The following PALS2 variants were observed in gnomAD, a reference collection of about 807,000 sequenced individuals.
PALS2 encodes protein associated with LIN7 2, MAGUK p55 family member.
Under a neutral mutation model 61.6 loss-of-function variants are expected in PALS2, and 27 were observed. The observed-to-expected ratio is 0.44, with a 90% confidence interval of 0.32 to 0.60. The LOEUF is 0.60. Ranked by LOEUF, PALS2 falls within the 20% of genes least tolerant of loss-of-function variation. The pLI is 0.05. For missense variants in PALS2, 554 were observed against 639.4 expected, an observed-to-expected ratio of 0.87 and a Z score of 1.44; for synonymous variants, 236 against 218.6, an observed-to-expected ratio of 1.08 and a Z score of -0.70.
rs1271981866 is a variant in PALS2, at chr7:24,693,357, C to T, written c.*5743C>T. 12 of 152,252 alleles carry T rather than the reference C, an allele frequency of 7.9e-5. No individual in the cohort carries two copies. The South Asian group carries it at 2.5e-3, about 32-fold the overall frequency. 9.4% of individuals were successfully genotyped at this position (152,252 alleles called of 1,614,324 possible). On this transcript the variant is annotated 3_prime_UTR_variant, in exon 12 of 12. Transcript: ENST00000222644. ...TCATATATGAAATTTGGCTCTCCTC[C>T]TATCAAAGTAGCCTAGGAGCTTGGA...
chr7:24,679,692 C>T (rs2128031761), intron 10 of PALS2, among the ~76,000 whole-genome samples: 1 of 150,756 alleles, frequency 6.6e-6, no homozygotes, highest in East Asian at 2.0e-4. Flanking sequence ...GTCACTCCCC[C>T]TCCTACCTGA....
chr7:24,602,023 CTCCT>C (rs1269612121), intron 1 of PALS2, among the ~76,000 whole-genome samples: 3 of 152,090 alleles, frequency 2.0e-5, no homozygotes, highest in Non-Finnish European at 4.4e-5. Context: ...CATTTTGTCT[CTCCT>C]TTCTTTCCAA....
chr7:24,628,266 C>T (rs1200272260), intron 2 of PALS2, among the ~76,000 whole-genome samples: 1 of 152,158 alleles, frequency 6.6e-6, no homozygotes, highest in African/African-American at 2.4e-5. Context: ...TGATGAAAAT[C>T]ACATGATTAT....
chr7:24,576,607 C>T (rs1017528814), intron 1 of PALS2, among the ~76,000 whole-genome samples: 5 of 152,124 alleles, frequency 3.3e-5, no homozygotes, highest in Admixed American at 6.5e-5. Flanking sequence ...AGATAAGATT[C>T]CTGAATACAT....
At chr7:24,591,720 T>G (rs1268353041) in intron 1 of PALS2, among the ~76,000 whole-genome samples, 1 of 152,150 alleles carries the variant, frequency 6.6e-6, no homozygotes, top group Non-Finnish European at 1.5e-5. Flanking sequence ...AAGCCTTTAG[T>G]CACAGTATGT....
intron 2 of PALS2, among the ~76,000 whole-genome samples, chr7:24,639,280 T>G (rs1360282058): frequency 2.6e-5 from 4 of 152,220 alleles, no homozygotes; most frequent in African/African-American, 4.8e-5. Context: ...AGAGTTCAAG[T>G]CTTGGTGTTA....
At position 24,691,173 on chromosome 7, in the gene PALS2, A is replaced by C. The variant is rs1788447847; in HGVS notation, c.*3559A>C. On this transcript the variant is annotated 3_prime_UTR_variant, in exon 12 of 12. Coordinates refer to ENST00000222644, the MANE Select transcript of PALS2 (RefSeq NM_001303037.2). ...AAATTATTTTGAATTGGCAAACTAA[A>C]GATAACAATTTTGAAAATTGCTCAA... is the stretch of plus-strand genomic sequence containing the variant. 1 of 151,894 alleles carries C rather than the reference A, an allele frequency of 6.6e-6. No individual in the cohort carries two copies. The highest frequency in any genetic ancestry group is 2.1e-4 in the South Asian group (1 of 4,826). The allele number at this position is 151,894 out of a possible 1,614,324, so 9.4% of individuals were successfully genotyped here.
intron 2 of PALS2, chr7:24,624,136 G>C: frequency 7.7e-7 from 1 of 1,299,140 alleles, no homozygotes; most frequent in Non-Finnish European, 1.0e-6. Flanking sequence ...TTTTGCATTA[G>C]ACTGTGTACC....
chr7:24,613,252 C>T (rs755299269), intron 1 of PALS2, among the ~76,000 whole-genome samples: 12 of 151,442 alleles, frequency 7.9e-5, no homozygotes, highest in Admixed American at 2.0e-4. Flanking sequence ...AGAGAGGACC[C>T]TTGGAAATCT....
intron 5 of PALS2, among the ~76,000 whole-genome samples, chr7:24,657,193 A>G (rs966413162): frequency 5.9e-5 from 9 of 152,230 alleles, no homozygotes; most frequent in African/African-American, 2.2e-4. Flanking sequence ...TAAAGCTGCT[A>G]TGGACATTTA....
intron 1 of PALS2, among the ~76,000 whole-genome samples, chr7:24,579,695 A>C (rs1405692581): frequency 6.6e-6 from 1 of 152,132 alleles, no homozygotes; most frequent in East Asian, 1.9e-4. Flanking sequence ...GATTTAATTG[A>C]AGGAGCTTAG....
rs1788585110 is a variant in PALS2, at chr7:24,693,813, T to G, written c.*6199T>G. 1 of 152,174 alleles carries G rather than the reference T, an allele frequency of 6.6e-6. No individual in the cohort carries two copies. Among genetic ancestry groups the G allele is most frequent in the Non-Finnish European group, 1.5e-5 (1 of 68,016 alleles). The allele number at this position is 152,174 out of a possible 1,614,324, so 9.4% of individuals were successfully genotyped here. A position where few individuals can be genotyped will look rare whatever the true frequency, so the allele number is the denominator to read the frequency against. ...ACTAGTATTCAGCAACAAGTGCAAT[T>G]TCTCCATGTTATGTTGAGCTCTGTT... On this transcript the variant is annotated 3_prime_UTR_variant, in exon 12 of 12. Transcript: ENST00000222644.
At chr7:24,628,926 T>C (rs896289064) in intron 2 of PALS2, among the ~76,000 whole-genome samples, 3 of 152,190 alleles carry the variant, frequency 2.0e-5, no homozygotes, top group South Asian at 2.1e-4. Context: ...CAAAGTAATA[T>C]ATAATCTCAA....
intron 1 of PALS2, among the ~76,000 whole-genome samples, chr7:24,617,951 A>G (rs1476547825): frequency 1.3e-5 from 2 of 152,206 alleles, no homozygotes; most frequent in Non-Finnish European, 2.9e-5. Flanking sequence ...TGTCTGCCAG[A>G]GGAGAACCTA....
chr7:24,682,529 T>C (rs962596779), intron 11 of PALS2, among the ~76,000 whole-genome samples: 3 of 152,204 alleles, frequency 2.0e-5, no homozygotes, highest in Admixed American at 1.3e-4. Flanking sequence ...AGAAACTCTT[T>C]CAAGCCAGGA....
Position 24,690,559 on chromosome 7 carries a change from A to G in PALS2, c.*2945A>G, listed in dbSNP as rs75682973. ...GTACACAACCTAAGACTATATATAT[A>G]TTTTTTCATTTTCAAATGTACAAAT... On this transcript the variant is annotated 3_prime_UTR_variant, in exon 12 of 12. Coordinates refer to ENST00000222644, the MANE Select transcript of PALS2 (RefSeq NM_001303037.2). 2.6e-5 allele frequency: 4 copies of G among 151,942 alleles called. No individual in the cohort carries two copies. The highest frequency in any genetic ancestry group is 9.7e-5 in the African/African-American group (4 of 41,360). 9.4% of individuals were successfully genotyped at this position (151,942 alleles called of 1,614,324 possible). A position where few individuals can be genotyped will look rare whatever the true frequency, so the allele number is the denominator to read the frequency against.
intron 9 of PALS2, among the ~76,000 whole-genome samples, chr7:24,678,374 A>T (rs1311738370): frequency 1.8e-4 from 28 of 152,210 alleles, no homozygotes; most frequent in Admixed American, 1.7e-3. Context: ...AGAGGAGAGG[A>T]GGTTAATAGA....
At chr7:24,624,766 C>T (rs1784668706) in intron 2 of PALS2, among the ~76,000 whole-genome samples, 1 of 151,904 alleles carries the variant, frequency 6.6e-6, no homozygotes, top group South Asian at 2.1e-4. Context: ...GCCACCACCC[C>T]TGGCTAATTT....
At chr7:24,622,383 ACTT>A in intron 1 of PALS2, among the ~76,000 whole-genome samples, 1 of 151,934 alleles carries the variant, frequency 6.6e-6, no homozygotes, top group East Asian at 1.9e-4. Flanking sequence ...ATTTTGTACT[ACTT>A]CTGTTACATC....
Sources: gnomAD v4.1 joint callset for allele counts (sites outside exome capture counted in the v4.1 genomes callset) on GRCh38, gnomAD v4.1.1 for gene constraint, MANE v1.5 for transcripts, NCBI Gene and HGNC (gene_info 2026-07-23, HGNC 2026-07-21) for gene names.